OTC: variants seen among roughly 807,000 people sequenced by gnomAD.
OTC encodes the protein ornithine transcarbamylase, mitochondrial.
A neutral mutation model predicts 30.3 loss-of-function variants in OTC; 3 were observed. That is an observed-to-expected ratio of 0.10 (90% CI 0.05 to 0.26). OTC has a LOEUF of 0.26. OTC is among the 10% of genes least tolerant of loss of function. The probability of loss-of-function intolerance (pLI) is 1.00; values close to 1 mark genes in which losing one functional copy is unlikely to be tolerated. For missense variants in OTC, 194 were observed against 260.3 expected, an observed-to-expected ratio of 0.75 and a Z score of 1.75; for synonymous variants, 111 against 99.7, an observed-to-expected ratio of 1.11 and a Z score of -0.67.
chrX:38,331,601 G>T, the OTC span, among the ~76,000 whole-genome samples: 59 of 106,649 alleles, frequency 5.5e-4, no homozygotes, highest in African/African-American at 1.9e-3. Flanking sequence ...TATTTTTTTT[G>T]AGACAGGGTC....
chrX:38,367,462 T>C, intron 2 of OTC, 33 bp downstream of exon 2: 2 of 1,156,273 alleles, frequency 1.7e-6, no homozygotes, highest in East Asian at 3.0e-5. Context: ...GTTCCATTAC[T>C]ACCAGTCCCC....
Position 38,421,335 on chromosome X carries a change from A to C in OTC, c.*253A>C. 2.8e-6 allele frequency: 1 copy of C among 351,248 alleles called. No homozygotes were observed. The highest frequency in any genetic ancestry group is 5.0e-6 in the Non-Finnish European group (1 of 198,148). 28.9% of individuals were successfully genotyped at this position (351,248 alleles called of 1,213,427 possible). On this transcript the variant is annotated 3_prime_UTR_variant, in exon 10 of 10. Transcript: ENST00000039007. ...CTGAGTTACATTTAGATATCATATTAATTATCATATACATTTACTTCAACA... is the reference window on the plus strand; with the variant it reads ...CTGAGTTACATTTAGATATCATATTCATTATCATATACATTTACTTCAACA...
At chrX:38,344,168 CATAAAAA>C in the OTC span, among the ~76,000 whole-genome samples, 519 of 107,431 alleles carry the variant, frequency 4.8e-3, no homozygotes, top group Non-Finnish European at 5.4e-3. Flanking sequence ...AAACAAAAAA[CATAAAAA>C]ATAAAAAATA....
chrX:38,368,989 T>C (rs1174722583), intron 2 of OTC, among the ~76,000 whole-genome samples: 1 of 109,283 alleles, frequency 9.2e-6, no homozygotes, highest in Admixed American at 9.9e-5. Context: ...TCAAATGACT[T>C]CCAGAAGCAA....
At chrX:38,380,656 A>G (rs1273387340) in intron 3 of OTC, among the ~76,000 whole-genome samples, 1 of 112,379 alleles carries the variant, frequency 8.9e-6, no homozygotes, top group Non-Finnish European at 1.9e-5. Flanking sequence ...CAAGTCACTA[A>G]GAGTAAAAAA....
chrX:38,375,485 G>C (rs190442721), intron 3 of OTC, among the ~76,000 whole-genome samples: 1 of 111,673 alleles, frequency 9.0e-6, no homozygotes, highest in East Asian at 2.8e-4. Context: ...TAGAAGCTGG[G>C]GTTGTGGTGG....
upstream of OTC, among the ~76,000 whole-genome samples, chrX:38,347,787 G>C (rs1331495211): frequency 9.0e-6 from 1 of 111,519 alleles, no homozygotes; most frequent in African/African-American, 3.3e-5. Flanking sequence ...AGGACTCTGA[G>C]GGTACCGAAT....
At chrX:38,360,235 T>C (rs923265396) in intron 1 of OTC, among the ~76,000 whole-genome samples, 1 of 111,373 alleles carries the variant, frequency 9.0e-6, no homozygotes, top group African/African-American at 3.3e-5. Flanking sequence ...TTCTTTCTTA[T>C]ACAAATTGAT....
the OTC span, among the ~76,000 whole-genome samples, chrX:38,340,467 T>C: frequency 1.1e-5 from 1 of 92,173 alleles, no homozygotes; most frequent in Admixed American, 1.3e-4. Context: ...TTGTTTTTTT[T>C]TTTTTGTTTT....
chrX:38,340,361 A>G, the OTC span, among the ~76,000 whole-genome samples: 6 of 110,927 alleles, frequency 5.4e-5, no homozygotes, highest in Admixed American at 2.9e-4. Flanking sequence ...TGAAATTATA[A>G]TGGGAATATT....
At chrX:38,356,003 G>A (rs762096164) in intron 1 of OTC, among the ~76,000 whole-genome samples, 87 of 102,227 alleles carry the variant, frequency 8.5e-4, no homozygotes, top group Non-Finnish European at 1.3e-3. Context: ...AGCCGAGATC[G>A]CGCCAATGCA....
At chrX:38,341,278 G>A in the OTC span, among the ~76,000 whole-genome samples, 4 of 111,523 alleles carry the variant, frequency 3.6e-5, no homozygotes, top group Admixed American at 9.6e-5. Flanking sequence ...AAAATACCTC[G>A]TAGTAATATA....
intron 1 of OTC, among the ~76,000 whole-genome samples, chrX:38,366,080 A>G (rs1275997476): frequency 1.8e-5 from 2 of 111,276 alleles, no homozygotes; most frequent in Admixed American, 9.6e-5. Flanking sequence ...ACGTGCACCA[A>G]TGCTAGATTG....
chrX:38,407,984 G>C (rs1227330915), intron 6 of OTC, among the ~76,000 whole-genome samples: 1 of 111,616 alleles, frequency 9.0e-6, no homozygotes, highest in Non-Finnish European at 1.9e-5. Context: ...AGCAAGCGAG[G>C]CACCTAGGGT....
At chrX:38,339,380 T>C in the OTC span, among the ~76,000 whole-genome samples, 1 of 111,339 alleles carries the variant, frequency 9.0e-6, no homozygotes, top group South Asian at 3.8e-4. Context: ...TCCAAGATCG[T>C]TCCCTTTATC....
intron 1 of OTC, among the ~76,000 whole-genome samples, chrX:38,366,723 C>T (rs2068298028): frequency 9.0e-6 from 1 of 111,634 alleles, no homozygotes; most frequent in African/African-American, 3.3e-5. Context: ...GACAAAGCCA[C>T]TCATGTGGCT....
At chrX:38,413,665 A>ATTTTT (rs11397097) in intron 9 of OTC, among the ~76,000 whole-genome samples, 1 of 97,193 alleles carries the variant, frequency 1.0e-5, no homozygotes. Context: ...TGGCACATCT[A>ATTTTT]TTTTTTTTTT....
the OTC span, among the ~76,000 whole-genome samples, chrX:38,346,386 G>A: frequency 1.8e-5 from 2 of 112,089 alleles, no homozygotes; most frequent in South Asian, 7.4e-4. Flanking sequence ...GCAAAACCGC[G>A]TGACAGTTTC....
At chrX:38,362,139 G>A (rs2068274982) in intron 1 of OTC, among the ~76,000 whole-genome samples, 1 of 111,710 alleles carries the variant, frequency 9.0e-6, no homozygotes, top group Non-Finnish European at 1.9e-5. Context: ...TGGGAGTGGG[G>A]GAAAAGGGGA....
Sources: gnomAD v4.1 joint callset for allele counts (sites outside exome capture counted in the v4.1 genomes callset) on GRCh38, gnomAD v4.1.1 for gene constraint, MANE v1.5 for transcripts, NCBI Gene and HGNC (gene_info 2026-07-23, HGNC 2026-07-21) for gene names.